Variants in CCND3 observed in about 807,000 individuals in gnomAD.
CCND3 encodes the protein cyclin D3, also known as G1/S-specific cyclin-D3.
A neutral mutation model predicts 28.7 loss-of-function variants in CCND3; 9 were observed. The observed-to-expected ratio is 0.31, with a 90% CI of 0.19 to 0.55. The LOEUF (loss-of-function observed/expected upper bound fraction) is 0.55, where lower values mean the gene tolerates loss of function less well. Among genes scored for constraint, CCND3 ranks in the 20% least tolerant of loss-of-function variants. CCND3 has a pLI of 0.93. For missense variants in CCND3, 315 were observed against 385.8 expected (o/e 0.82, Z 1.54); for synonymous variants, 164 against 163.9 (o/e 1.00, Z 0.00).
At chr6:41,990,782 G>A (rs1393838573) in intron 1 of CCND3, among the ~76,000 whole-genome samples, 1 of 148,504 alleles carries the variant, frequency 6.7e-6, no homozygotes, top group Admixed American at 6.9e-5. Flanking sequence ...CGGAGTTCAA[G>A]TGATTATCCT....
chr6:41,996,441 C>G (rs1329247653), intron 1 of CCND3, among the ~76,000 whole-genome samples: 1 of 151,758 alleles, frequency 6.6e-6, no homozygotes, highest in Admixed American at 6.6e-5. Context: ...TAAGCCACCG[C>G]GCCCAGCCTG....
chr6:42,020,828 C>A (rs536003483), intron 1 of CCND3, among the ~76,000 whole-genome samples: 3 of 152,128 alleles, frequency 2.0e-5, no homozygotes, highest in Admixed American at 6.5e-5. Context: ...CTCAGCTCAC[C>A]GCAACCTCTG....
intron 1 of CCND3, among the ~76,000 whole-genome samples, chr6:41,960,481 A>C (rs1761690813): frequency 6.6e-6 from 1 of 152,214 alleles, no homozygotes; most frequent in Admixed American, 6.5e-5. Flanking sequence ...GGCCTCTAAC[A>C]CGAGTGATTG....
intron 1 of CCND3, among the ~76,000 whole-genome samples, chr6:41,962,505 A>G (rs1414201860): frequency 6.6e-6 from 1 of 152,196 alleles, no homozygotes; most frequent in Non-Finnish European, 1.5e-5. Flanking sequence ...TAATCCCAGC[A>G]CTTTGCAAGG....
In CCND3 at chr6:41,971,108, G is replaced by A. The variant is rs550422525; in HGVS notation, c.-45-30523C>T. On this transcript the variant is annotated intron_variant, in intron 1 of 4. Coordinates refer to the CCND3 transcript ENST00000372988. The stretch of plus-strand genomic sequence containing the variant: ...AATTTTCGTATTTTTAGTAAAGACG[G>A]GGTTTCACCATGTTGGCCAGGCTGG... Among the ~76,000 whole-genome samples the A allele has an allele frequency of 2.2e-4, 34 of 152,112 alleles. No homozygotes were observed. The South Asian group carries it at 6.4e-3, about 29-fold the overall frequency.
At chr6:42,011,773 C>CCCAAG (rs1763351688) in intron 1 of CCND3, among the ~76,000 whole-genome samples, 1 of 152,150 alleles carries the variant, frequency 6.6e-6, no homozygotes, top group South Asian at 2.1e-4. Flanking sequence ...GAGGGGTACT[C>CCCAAG]CCAAGCCCTG....
chr6:42,021,356 C>T (rs1763708129), intron 1 of CCND3, among the ~76,000 whole-genome samples: 1 of 152,136 alleles, frequency 6.6e-6, no homozygotes, highest in African/African-American at 2.4e-5. Flanking sequence ...TTCTGTTTCC[C>T]CTCACTCATT....
chr6:41,997,643 G>A (rs954618982), intron 1 of CCND3, among the ~76,000 whole-genome samples: 1 of 152,110 alleles, frequency 6.6e-6, no homozygotes, highest in African/African-American at 2.4e-5. Context: ...TGTGGTCTCA[G>A]CTACTCAGGA....
At chr6:41,971,020 C>T (rs749537769) in intron 1 of CCND3, among the ~76,000 whole-genome samples, 1 of 152,116 alleles carries the variant, frequency 6.6e-6, no homozygotes, top group East Asian at 1.9e-4. Context: ...CAGGTTCAAA[C>T]GATTCTCCTG....
chr6:41,976,778 A>G (rs1762197730), intron 1 of CCND3, among the ~76,000 whole-genome samples: 1 of 152,186 alleles, frequency 6.6e-6, no homozygotes, highest in African/African-American at 2.4e-5. Context: ...ATATCAGACT[A>G]TAAGCTCCTG....
chr6:41,988,694 C>CTT, intron 1 of CCND3, among the ~76,000 whole-genome samples: 1 of 28,660 alleles, frequency 3.5e-5, no homozygotes, highest in East Asian at 1.3e-3. Flanking sequence ...AGCTGAACTT[C>CTT]TTTTCTTTTT....
At chr6:42,003,412 C>T (rs1481867871) in intron 1 of CCND3, among the ~76,000 whole-genome samples, 2 of 150,422 alleles carry the variant, frequency 1.3e-5, no homozygotes, top group African/African-American at 2.4e-5. Context: ...GTAATCCTAG[C>T]TACTTGGGAG....
rs529020343 is a variant in CCND3 at position 41,954,628 on chromosome 6, G to T, written c.-45-14043C>A. Among the ~76,000 whole-genome samples the T allele has an allele frequency of 3.3e-5, 5 of 152,036 alleles. No homozygotes were observed. The South Asian group carries it at 1.0e-3, about 32-fold the overall frequency. On this transcript the variant is annotated intron_variant, in intron 1 of 4. Transcript: ENST00000372988. The stretch of plus-strand genomic sequence containing the variant: ...TACCCAGGCTGGTCTTGAACTCCTG[G>T]CCTCCAGTGATCCTTCTGCTTCCAC...
intron 1 of CCND3, among the ~76,000 whole-genome samples, chr6:42,016,054 G>A (rs1378658015): frequency 1.3e-5 from 2 of 151,918 alleles, no homozygotes; most frequent in Non-Finnish European, 2.9e-5. Flanking sequence ...TTCTGCCTCA[G>A]CCTCCTGAGT....
intron 1 of CCND3, among the ~76,000 whole-genome samples, chr6:42,009,378 G>A (rs777883094): frequency 5.3e-5 from 8 of 152,172 alleles, no homozygotes; most frequent in African/African-American, 1.2e-4. Context: ...TTGGGAGGCC[G>A]AGGCTGGTGG....
chr6:41,994,737 C>G (rs1762746518), intron 1 of CCND3, among the ~76,000 whole-genome samples: 1 of 152,074 alleles, frequency 6.6e-6, no homozygotes, highest in Non-Finnish European at 1.5e-5. Context: ...GAACTCTGTA[C>G]TTTTGCAGCT....
intron 1 of CCND3, among the ~76,000 whole-genome samples, chr6:42,014,365 CAAACA>C (rs66873567): frequency 0.045 from 6,686 of 148,788 alleles, 347 homozygotes; most frequent in African/African-American, 0.12. Context: ...GACTCTGTCT[CAAACA>C]AAACAAAACA....
At chr6:41,955,933 A>T (rs1582104758) in intron 1 of CCND3, among the ~76,000 whole-genome samples, 1 of 152,296 alleles carries the variant, frequency 6.6e-6, no homozygotes, top group Non-Finnish European at 1.5e-5. Context: ...GCGAAACCGT[A>T]TCTCAGAAGA....
At chr6:42,003,049 C>G (rs1183071199) in intron 1 of CCND3, among the ~76,000 whole-genome samples, 1 of 150,992 alleles carries the variant, frequency 6.6e-6, no homozygotes, top group African/African-American at 2.4e-5. Flanking sequence ...GTAATCCCAG[C>G]TACTTGGGAG....
Sources: allele counts gnomAD v4.1 joint callset (sites outside exome capture counted in the v4.1 genomes callset), GRCh38; gene constraint gnomAD v4.1.1; transcripts MANE v1.5; gene names NCBI Gene and HGNC (gene_info 2026-07-23, HGNC 2026-07-21).